TRPS1: variants seen among roughly 807,000 people sequenced by gnomAD.
TRPS1 encodes the protein transcriptional repressor GATA binding 1.
TRPS1 carries 6 observed loss-of-function variants against 101.2 expected under a neutral mutation model. That is an observed-to-expected ratio of 0.06 (90% CI 0.03 to 0.12). The LOEUF (loss-of-function observed/expected upper bound fraction) is 0.12. Ranked by LOEUF, TRPS1 falls within the 10% of genes least tolerant of loss-of-function variation. The pLI, the probability that TRPS1 is intolerant of heterozygous loss-of-function variation, is 1.00. For synonymous variants in TRPS1, 578 were observed against 589.8 expected (o/e 0.98, Z 0.29); for missense variants, 1,363 against 1,567.0 (o/e 0.87, Z 2.20).
intron 5 of TRPS1, among the ~76,000 whole-genome samples, chr8:115,569,504 T>C (rs571689661): frequency 6.6e-6 from 1 of 152,274 alleles, no homozygotes; most frequent in South Asian, 2.1e-4. Flanking sequence ...GAGTTTGTAG[T>C]ACAAACATCA....
At chr8:115,623,490 A>G (rs991882086) in intron 2 of TRPS1, 111 bp downstream of exon 2, 2 of 1,291,176 alleles carry the variant, frequency 1.5e-6, no homozygotes, top group African/African-American at 2.9e-5. Flanking sequence ...ATAAGACTAT[A>G]GCCACCCTCA....
At chr8:115,536,427 G>A (rs1816321953) in intron 5 of TRPS1, among the ~76,000 whole-genome samples, 1 of 151,488 alleles carries the variant, frequency 6.6e-6, no homozygotes, top group Non-Finnish European at 1.5e-5. Context: ...GGAGCCTGAG[G>A]CAGGAGAATG....
Position 115,621,577 on chromosome 8 carries a change from T to C in TRPS1, c.38-1517A>G, listed in dbSNP as rs939845570. On this transcript the variant is annotated intron_variant, in intron 2 of 6. Transcript: ENST00000395715. Reference sequence around the variant, plus strand: ...TAAGGAATCATTTATAAAGTAAAAATGTGCCACAGTGAATAATGTGAAAAA... The same window carrying C: ...TAAGGAATCATTTATAAAGTAAAAACGTGCCACAGTGAATAATGTGAAAAA... 3.9e-5 allele frequency among the ~76,000 whole-genome samples: 6 copies of C among 152,102 alleles called. No homozygotes were observed. The East Asian group carries it at 1.2e-3, about 29-fold the overall frequency.
chr8:115,512,596 C>T (rs990309012), intron 5 of TRPS1, among the ~76,000 whole-genome samples: 8 of 150,788 alleles, frequency 5.3e-5, no homozygotes, highest in East Asian at 3.9e-4. Context: ...TATTTTTGGC[C>T]GGAAAATACT....
At chr8:115,661,943 T>G (rs1313697624) in intron 1 of TRPS1, among the ~76,000 whole-genome samples, 1 of 151,938 alleles carries the variant, frequency 6.6e-6, no homozygotes, top group Non-Finnish European at 1.5e-5. Flanking sequence ...AATAAAAATT[T>G]ATTAACAGAT....
intron 5 of TRPS1, among the ~76,000 whole-genome samples, chr8:115,510,794 C>G (rs899348539): frequency 1.3e-5 from 2 of 151,968 alleles, no homozygotes; most frequent in South Asian, 2.1e-4. Context: ...CATACTGAAG[C>G]GTTTTGTGGA....
chr8:115,557,714 A>C (rs1343498209), intron 5 of TRPS1, among the ~76,000 whole-genome samples: 1 of 152,156 alleles, frequency 6.6e-6, no homozygotes. Context: ...CAAATTACCC[A>C]GTCTTGGATA....
rs1813330423 is a variant in TRPS1, at chr8:115,431,981, T to C, written c.2701-13529A>G. Reference sequence around the variant, plus strand: ...CACACAAACATACATTTATAATATGTATAGGCATATACACATATATTCCTT... The same window carrying C: ...CACACAAACATACATTTATAATATGCATAGGCATATACACATATATTCCTT... On this transcript the variant is annotated intron_variant, in intron 5 of 6. Coordinates refer to ENST00000395715, the MANE Select transcript of TRPS1 (RefSeq NM_014112.5). 2.0e-5 allele frequency among the ~76,000 whole-genome samples: 3 copies of C among 151,842 alleles called. No homozygotes were observed. The South Asian group carries it at 6.2e-4, about 31-fold the overall frequency.
intron 5 of TRPS1, among the ~76,000 whole-genome samples, chr8:115,495,677 C>T (rs1477387531): frequency 7.3e-6 from 1 of 136,972 alleles, no homozygotes; most frequent in Non-Finnish European, 1.6e-5. Context: ...ATATCTTTTG[C>T]TATCATCTGT....
chr8:115,475,305 T>TATATATATATATATATATA (rs1586311392), intron 5 of TRPS1, among the ~76,000 whole-genome samples: 1 of 145,008 alleles, frequency 6.9e-6, no homozygotes, highest in African/African-American at 2.6e-5. Context: ...TATATATATA[T>TATATATATATATATATATA]TTGTTATCAG....
intron 6 of TRPS1, among the ~76,000 whole-genome samples, chr8:115,417,832 A>C (rs1347557725): frequency 6.6e-6 from 1 of 152,164 alleles, no homozygotes; most frequent in African/African-American, 2.4e-5. Context: ...AATTCAGTTC[A>C]GAACTGTCCT....
At chr8:115,436,335 G>A (rs749474120) in intron 5 of TRPS1, among the ~76,000 whole-genome samples, 4 of 152,088 alleles carry the variant, frequency 2.6e-5, no homozygotes, top group Non-Finnish European at 5.9e-5. Flanking sequence ...GGCCCGGATG[G>A]TAAAATGGCC....
chr8:115,647,085 T>A (rs1811428203), intron 1 of TRPS1, among the ~76,000 whole-genome samples: 1 of 152,204 alleles, frequency 6.6e-6, no homozygotes, highest in East Asian at 1.9e-4. Flanking sequence ...CCACCTCACA[T>A]CCAGTCATAT....
In TRPS1 at chr8:115,620,070, T is replaced by C; in HGVS notation, c.38-10A>G. On this transcript the variant is annotated splice_polypyrimidine_tract_variant and intron_variant, in intron 2 of 6. Transcript: ENST00000395715. Reference sequence around the variant, plus strand: ...TTTTTCCGGACCATATCTGCAAAGATAAAGGGAAAAGGCAGATACAGTGTT... The same window carrying C: ...TTTTTCCGGACCATATCTGCAAAGACAAAGGGAAAAGGCAGATACAGTGTT... 6.2e-7 allele frequency: 1 copy of C among 1,613,538 alleles called. No individual in the cohort carries two copies. The highest frequency in any genetic ancestry group is 8.5e-7 in the Non-Finnish European group (1 of 1,179,740).
chr8:115,491,822 T>C (rs1815030041), intron 5 of TRPS1, among the ~76,000 whole-genome samples: 1 of 152,160 alleles, frequency 6.6e-6, no homozygotes, highest in Admixed American at 6.5e-5. Context: ...AGTATCTAGA[T>C]AATAAGTTAA....
chr8:115,437,441 C>G (rs748178796), intron 5 of TRPS1, among the ~76,000 whole-genome samples: 8 of 152,186 alleles, frequency 5.3e-5, no homozygotes, highest in Non-Finnish European at 1.2e-4. Flanking sequence ...TTTATCTGTA[C>G]TTGAAAGGCC....
chr8:115,458,143 G>C (rs1013956412), intron 5 of TRPS1, among the ~76,000 whole-genome samples: 1 of 152,072 alleles, frequency 6.6e-6, no homozygotes, highest in Non-Finnish European at 1.5e-5. Flanking sequence ...AAATGGAAGC[G>C]GGCAGTCAAA....
At chr8:115,427,835 T>C (rs900937475) in intron 5 of TRPS1, among the ~76,000 whole-genome samples, 1 of 33,882 alleles carries the variant, frequency 3.0e-5, no homozygotes, top group Non-Finnish European at 5.8e-5. Flanking sequence ...ACTTGGCTGA[T>C]GGAGGGGGCA....
intron 1 of TRPS1, among the ~76,000 whole-genome samples, chr8:115,634,715 AGTACCAAACAGTACTTTTAATCCTGTT>A (rs756916610): frequency 1.2e-4 from 18 of 152,186 alleles, no homozygotes; most frequent in Non-Finnish European, 1.8e-4. Flanking sequence ...ATATCATGAG[AGTACCAAACAGTACTTTTAATCCTGTT>A]GTAACATTAA....
Sources: gnomAD v4.1 joint callset for allele counts (sites outside exome capture counted in the v4.1 genomes callset) on GRCh38, gnomAD v4.1.1 for gene constraint, MANE v1.5 for transcripts, NCBI Gene and HGNC (gene_info 2026-07-23, HGNC 2026-07-21) for gene names.